CNTNAP2: variants seen among roughly 807,000 people sequenced by gnomAD.
The protein encoded by CNTNAP2 is contactin-associated protein-like 2.
CNTNAP2 carries 98 observed loss-of-function variants against 155.2 expected under a neutral mutation model. The ratio of observed to expected loss-of-function variants is 0.63; its 90% confidence interval spans 0.54 to 0.75. The LOEUF (loss-of-function observed/expected upper bound fraction) is 0.75, where lower values mean the gene tolerates loss of function less well. Ranked by LOEUF, CNTNAP2 falls within the 30% of genes least tolerant of loss-of-function variation. The probability of loss-of-function intolerance (pLI) is 0.00; values close to 1 mark genes in which losing one functional copy is unlikely to be tolerated. For synonymous variants in CNTNAP2, 651 were observed against 631.2 expected (o/e 1.03, Z -0.47); for missense variants, 1,727 against 1,688.1 (o/e 1.02, Z -0.40).
chr7:147,030,295 C>G (rs945127890), intron 3 of CNTNAP2, among the ~76,000 whole-genome samples: 6 of 152,054 alleles, frequency 3.9e-5, no homozygotes, highest in African/African-American at 1.4e-4. Context: ...AGCATAGTTT[C>G]TTTTATGTGA....
intron 2 of CNTNAP2, among the ~76,000 whole-genome samples, chr7:146,830,075 C>T (rs528333796): frequency 1.3e-5 from 2 of 152,026 alleles, no homozygotes; most frequent in South Asian, 2.1e-4. Flanking sequence ...TATAGTTAGC[C>T]GTTTAACTCT....
chr7:147,888,182 T>A (rs899704710), intron 13 of CNTNAP2, among the ~76,000 whole-genome samples: 5 of 147,346 alleles, frequency 3.4e-5, no homozygotes, highest in Non-Finnish European at 5.9e-5. Context: ...CTACAGAATC[T>A]TCAGGTATTG....
intron 1 of CNTNAP2, among the ~76,000 whole-genome samples, chr7:146,476,723 T>A (rs1185485816): frequency 6.6e-6 from 1 of 152,164 alleles, no homozygotes; most frequent in East Asian, 1.9e-4. Flanking sequence ...GAGAATCTAA[T>A]AAACATTGAG....
chr7:148,150,810 C>T (rs1175590998), intron 17 of CNTNAP2, among the ~76,000 whole-genome samples: 1 of 151,992 alleles, frequency 6.6e-6, no homozygotes, highest in Non-Finnish European at 1.5e-5. Flanking sequence ...GTGGCATGAT[C>T]GTGGCTTACT....
rs1795893439 is a variant in CNTNAP2 at position 146,413,338 on chromosome 7, T to C, written c.97+296365T>C. Among the ~76,000 whole-genome samples, 4 of 152,156 alleles carry C rather than the reference T, an allele frequency of 2.6e-5. No homozygotes were observed. In the South Asian group the frequency reaches 8.3e-4, roughly 32 times the overall value. ...CAGGTTGGACCTTCCACTTGCAACTTGCTGTGGAGGTGCTCTTCTGCAAGT... is the reference window on the plus strand; with the variant it reads ...CAGGTTGGACCTTCCACTTGCAACTCGCTGTGGAGGTGCTCTTCTGCAAGT... On this transcript the variant is annotated intron_variant, in intron 1 of 23. Transcript: ENST00000361727.
At chr7:146,767,998 C>A (rs1802227565) in intron 1 of CNTNAP2, among the ~76,000 whole-genome samples, 1 of 152,014 alleles carries the variant, frequency 6.6e-6, no homozygotes, top group African/African-American at 2.4e-5. Flanking sequence ...TTAAACTTGA[C>A]CCTCAACTAT....
intron 8 of CNTNAP2, among the ~76,000 whole-genome samples, chr7:147,193,218 A>C (rs1417968896): frequency 6.6e-6 from 1 of 152,166 alleles, no homozygotes; most frequent in Non-Finnish European, 1.5e-5. Context: ...AGTATATTTA[A>C]TATCAATTTT....
chr7:146,449,478 A>C (rs1639469), intron 1 of CNTNAP2, among the ~76,000 whole-genome samples: 1 of 152,096 alleles, frequency 6.6e-6, no homozygotes, highest in Admixed American at 6.5e-5. Context: ...TATGTCCCCA[A>C]TGAACCTATC....
chr7:146,396,540 T>G (rs1016944314), intron 1 of CNTNAP2, among the ~76,000 whole-genome samples: 4 of 151,552 alleles, frequency 2.6e-5, no homozygotes, highest in African/African-American at 9.7e-5. Flanking sequence ...AAAATGAACA[T>G]TTTTTTCTGT....
At chr7:148,116,514 G>A (rs1336234193) in intron 15 of CNTNAP2, among the ~76,000 whole-genome samples, 1 of 152,132 alleles carries the variant, frequency 6.6e-6, no homozygotes, top group Non-Finnish European at 1.5e-5. Flanking sequence ...GAATTCTGGT[G>A]CTGCCCAATT....
chr7:148,212,034 G>T (rs549390267), intron 18 of CNTNAP2, among the ~76,000 whole-genome samples: 1 of 152,206 alleles, frequency 6.6e-6, no homozygotes, highest in African/African-American at 2.4e-5. Flanking sequence ...TAAGTGAAAA[G>T]GCAAAAGGAA....
chr7:146,627,409 T>C (rs1450367601), intron 1 of CNTNAP2, among the ~76,000 whole-genome samples: 1 of 152,188 alleles, frequency 6.6e-6, no homozygotes, highest in Non-Finnish European at 1.5e-5. Context: ...TGTTTGATTA[T>C]GCTAAAGAAA....
intron 1 of CNTNAP2, among the ~76,000 whole-genome samples, chr7:146,351,999 T>A: frequency 6.6e-6 from 1 of 152,148 alleles, no homozygotes; most frequent in East Asian, 1.9e-4. Flanking sequence ...AACATAGACA[T>A]TACATACAGA....
At chr7:147,750,526 T>C (rs1797116894) in intron 13 of CNTNAP2, among the ~76,000 whole-genome samples, 1 of 152,204 alleles carries the variant, frequency 6.6e-6, no homozygotes, top group South Asian at 2.1e-4. Context: ...TTTAAAAAAG[T>C]CAAATTATGT....
chr7:146,876,658 T>A (rs1213172927), intron 3 of CNTNAP2, among the ~76,000 whole-genome samples: 2 of 152,168 alleles, frequency 1.3e-5, no homozygotes, highest in African/African-American at 4.8e-5. Flanking sequence ...ATTTAAAACA[T>A]GTATTCTCAA....
chr7:147,220,764 G>A (rs1243445161), intron 8 of CNTNAP2, among the ~76,000 whole-genome samples: 1 of 151,980 alleles, frequency 6.6e-6, no homozygotes, highest in African/African-American at 2.4e-5. Context: ...GCCCAGGCTG[G>A]AGTGTAGTGG....
At chr7:148,339,222 C>G (rs553014598) in intron 21 of CNTNAP2, among the ~76,000 whole-genome samples, 7 of 150,634 alleles carry the variant, frequency 4.6e-5, no homozygotes, top group Non-Finnish European at 7.4e-5. Context: ...AGGTGCTTAA[C>G]GCAGATACAC....
intron 1 of CNTNAP2, among the ~76,000 whole-genome samples, chr7:146,278,062 G>T (rs1290118439): frequency 6.6e-6 from 1 of 152,200 alleles, no homozygotes; most frequent in Non-Finnish European, 1.5e-5. Flanking sequence ...GTTATTGTCA[G>T]CAGATTAGCA....
At chr7:146,903,277 T>G (rs2129214163) in intron 3 of CNTNAP2, among the ~76,000 whole-genome samples, 2 of 152,264 alleles carry the variant, frequency 1.3e-5, no homozygotes, top group Middle Eastern at 6.8e-3. Flanking sequence ...TCTTATGAGA[T>G]ATACCCATTT....
Sources: allele counts gnomAD v4.1 joint callset (sites outside exome capture counted in the v4.1 genomes callset), GRCh38; gene constraint gnomAD v4.1.1; transcripts MANE v1.5; gene names NCBI Gene and HGNC (gene_info 2026-07-23, HGNC 2026-07-21).